IL10RA: variants seen among roughly 807,000 people sequenced by gnomAD.
IL10RA encodes interleukin-10 receptor subunit alpha.
IL10RA carries 18 observed loss-of-function variants against 29.6 expected under a neutral mutation model. The observed-to-expected ratio is 0.61, with a 90% CI of 0.42 to 0.90. The LOEUF (loss-of-function observed/expected upper bound fraction) is 0.90, where lower values mean the gene tolerates loss of function less well. IL10RA is among the 40% of genes least tolerant of loss of function. IL10RA has a pLI of 0.00. For synonymous variants in IL10RA, 292 were observed against 294.1 expected (o/e 0.99, Z 0.07); for missense variants, 634 against 716.6 (o/e 0.88, Z 1.32).
chr11:117,994,321 G>C (rs903516227), intron 5 of IL10RA, 172 bp downstream of exon 5: 11 of 614,912 alleles, frequency 1.8e-5, no homozygotes, highest in Non-Finnish European at 2.3e-5. Context: ...TAGAGATGAG[G>C]GAACTGAGGC....
chr11:117,998,656 A>G, intron 6 of IL10RA, 59 bp from the exon 7 acceptor site: 1 of 1,498,952 alleles, frequency 6.7e-7, no homozygotes. Context: ...CCCCGGCAGC[A>G]CTGGGATGGG....
chr11:117,989,548 A>T lies in IL10RA; in HGVS notation c.295A>T (p.Arg99Ter), dbSNP rs886047709. 2 of 1,614,182 alleles carry T rather than the reference A, an allele frequency of 1.2e-6. No homozygotes were observed. The highest frequency in any genetic ancestry group is 1.7e-6 in the Non-Finnish European group (2 of 1,180,038). ...GTACCACAGCAATGGCTACCGGGCC[A>T]GAGTGCGGGCTGTGGACGGCAGCCG... ...DLYHSNGYRARVRAVDGSRHS... is the reference protein window; with the variant it reads ...DLYHSNGYRA The change falls in exon 3 of 7, where the codon AGA (arginine) becomes TGA (stop). Residue 99 changes from arginine to a stop codon, truncating the protein, a stop_gained. Transcript: ENST00000227752. LOFTEE classifies it high-confidence loss of function. The surrounding 1 kb of genome is among the most constrained non-coding windows in gnomAD (Gnocchi z 4.5).
At chr11:117,993,978 T>C (rs751404748) in intron 4 of IL10RA, 21 bp from the exon 5 acceptor site, 16 of 1,610,682 alleles carry the variant, frequency 9.9e-6, no homozygotes, top group Non-Finnish European at 1.2e-5. Context: ...ATTTTGTTAA[T>C]TGCTATCATT....
At chr11:117,986,632 C>G in intron 1 of IL10RA, 98 bp downstream of exon 1, 1 of 1,541,196 alleles carries the variant, frequency 6.5e-7, no homozygotes, top group Non-Finnish European at 8.7e-7. Context: ...GGCTGGCCCT[C>G]TGGCAGAGCG....
rs1222496809 is a variant in IL10RA, at chr11:118,000,629, G to C, written c.*988G>C. 3 of 454,252 alleles carry C rather than the reference G, an allele frequency of 6.6e-6. No homozygotes were observed. Among genetic ancestry groups the C allele is most frequent in the South Asian group, 1.6e-5 (1 of 64,476 alleles). The allele number at this position is 454,252 out of a possible 1,614,324, so 28.1% of individuals were successfully genotyped here. The stretch of plus-strand genomic sequence containing the variant: ...GATAAGCCACTGGGCACTGGGCTGG[G>C]GTCCCTGCCTTGTTGGTGTTCAGCT... On this transcript the variant is annotated 3_prime_UTR_variant, in exon 7 of 7. Transcript: ENST00000227752.
intron 6 of IL10RA, 102 bp downstream of exon 6, chr11:117,995,812 C>T (rs940264093): frequency 8.6e-5 from 106 of 1,235,920 alleles, no homozygotes; most frequent in Non-Finnish European, 1.1e-4. Flanking sequence ...ATTGCCTTAG[C>T]TTGCCTCTGC....
In IL10RA at chr11:117,995,571, A is replaced by T. The variant is rs773050863; in HGVS notation, c.689-18A>T. The stretch of plus-strand genomic sequence containing the variant: ...CCCCATGGTGACAGGCCACAAACAC[A>T]TCTCTCTGGGCCTGCAGATTTCACC... On this transcript the variant is annotated intron_variant, in intron 5 of 6. Transcript: ENST00000227752. 6 of 1,614,096 alleles carry T rather than the reference A, an allele frequency of 3.7e-6. No homozygotes were observed. Among genetic ancestry groups the T allele is most frequent in the Non-Finnish European group, 4.2e-6 (5 of 1,179,986 alleles).
At chr11:117,992,769 A>G (rs1414921774) in intron 3 of IL10RA, among the ~76,000 whole-genome samples, 1 of 152,222 alleles carries the variant, frequency 6.6e-6, no homozygotes, top group Non-Finnish European at 1.5e-5. Flanking sequence ...ATCTTTGCCC[A>G]GACCAAAGTC....
chr11:117,996,250 G>A (rs1354285248), intron 6 of IL10RA, among the ~76,000 whole-genome samples: 1 of 152,112 alleles, frequency 6.6e-6, no homozygotes, highest in Non-Finnish European at 1.5e-5. Context: ...GAGGACACTG[G>A]GGGGCGGTGG....
chr11:117,999,477 C>G lies in IL10RA; in HGVS notation c.1573C>G (p.Leu525Val). ...QWNQPTEEWS[L>V]LALSSCSDLG... ...GAACCAGCCCACTGAGGAATGGTCA[C>G]TCCTGGCCTTGAGCAGCTGCAGTGA... The change falls in exon 7 of 7, where the codon CTC becomes GTC. Residue 525 changes from leucine (L) to valine (V), a missense_variant. Transcript: ENST00000227752. The G allele has an allele frequency of 6.2e-7, 1 of 1,614,242 alleles. No individual in the cohort carries two copies. Among genetic ancestry groups the G allele is most frequent in the Non-Finnish European group, 8.5e-7 (1 of 1,180,020 alleles).
chr11:117,988,109 C>A, intron 1 of IL10RA: 1 of 510,504 alleles, frequency 2.0e-6, no homozygotes, highest in South Asian at 2.0e-5. Context: ...TCGGCCCCTG[C>A]CTTCTTCCCT....
In IL10RA at chr11:117,999,661, T is replaced by C. The variant is rs758999848; in HGVS notation, c.*20T>C. 8.7e-5 allele frequency: 140 copies of C among 1,606,992 alleles called. No individual in the cohort carries two copies. Among genetic ancestry groups the C allele is most frequent in the Non-Finnish European group, 1.1e-4 (135 of 1,174,294 alleles). On this transcript the variant is annotated 3_prime_UTR_variant, in exon 7 of 7. Transcript: ENST00000227752. ...GAGTGACTCGGGCTGAGAGGCTGCT[T>C]TTGATTTTAGCCATGCCTGCTCCTC...
Position 117,989,726 on chromosome 11 carries a change from G to GGGAGGCTGGCAGA in IL10RA, c.367+106_367+107insGGAGGCTGGCAGA. ...TTACCATAGCTCACCATGTCTGCCAGCCTCCCTGGCCGGAGAACTAGTTGC... is the reference window on the plus strand; with the variant it reads ...TTACCATAGCTCACCATGTCTGCCAGGGAGGCTGGCAGACCTCCCTGGCCGGAGAACTAGTTGC... On this transcript the variant is annotated intron_variant, in intron 3 of 6. Transcript: ENST00000227752. The surrounding 1 kb of genome is among the most constrained non-coding windows in gnomAD (Gnocchi z 4.5). 1 of 1,185,842 alleles carries GGGAGGCTGGCAGA rather than the reference G, an allele frequency of 8.4e-7. No individual in the cohort carries two copies. The allele number at this position is 1,185,842 out of a possible 1,614,324, so 73.5% of individuals were successfully genotyped here.
chr11:117,995,735 C>T (rs751033686), intron 6 of IL10RA, 25 bp downstream of exon 6: 68 of 1,608,602 alleles, frequency 4.2e-5, no homozygotes, highest in Non-Finnish European at 5.7e-5. Context: ...GAGGTCACTG[C>T]CCCGTCCTTC....
Position 118,000,723 on chromosome 11 carries a change from T to G in IL10RA, c.*1082T>G. 1 of 454,224 alleles carries G rather than the reference T, an allele frequency of 2.2e-6. No homozygotes were observed. Among genetic ancestry groups the G allele is most frequent in the South Asian group, 1.6e-5 (1 of 64,478 alleles). The allele number at this position is 454,224 out of a possible 1,614,324, so 28.1% of individuals were successfully genotyped here. On this transcript the variant is annotated 3_prime_UTR_variant, in exon 7 of 7. Coordinates refer to ENST00000227752, the MANE Select transcript of IL10RA (RefSeq NM_001558.4). ...CATCTGTGAAATAAGGACTCCACCT[T>G]TAGGGGACCCTCCATGTTTGCTGGG...
Position 118,000,867 on chromosome 11 carries a change from G to A in IL10RA, c.*1226G>A, listed in dbSNP as rs1371111508. On this transcript the variant is annotated 3_prime_UTR_variant, in exon 7 of 7. Transcript: ENST00000227752. The stretch of plus-strand genomic sequence containing the variant: ...GAGTCCATGGTGTCATGCCAAGACA[G>A]TATCAGACACAGCCCCAGAAGGGGG... The A allele has an allele frequency of 2.2e-6, 1 of 454,158 alleles. No individual in the cohort carries two copies. Among genetic ancestry groups the A allele is most frequent in the South Asian group, 1.6e-5 (1 of 64,486 alleles). 28.1% of individuals were successfully genotyped at this position (454,158 alleles called of 1,614,324 possible).
chr11:117,992,710 T>A (rs1310940994), intron 3 of IL10RA, among the ~76,000 whole-genome samples: 1 of 152,210 alleles, frequency 6.6e-6, no homozygotes, highest in African/African-American at 2.4e-5. Flanking sequence ...CAATCCCATT[T>A]GTCTATTTTT....
At chr11:117,995,291 C>A (rs1002456410) in intron 5 of IL10RA, 40 of 441,760 alleles carry the variant, frequency 9.1e-5, no homozygotes, top group Non-Finnish European at 1.4e-4. Flanking sequence ...AGCCTCGATT[C>A]TTACCTGCTG....
chr11:117,995,840 T>C (rs1275799604), intron 6 of IL10RA, 130 bp downstream of exon 6: 37 of 968,140 alleles, frequency 3.8e-5, no homozygotes, highest in Non-Finnish European at 5.7e-5. Flanking sequence ...CCTGATGTGA[T>C]TGGGAGATAC....
Sources: allele counts gnomAD v4.1 joint callset (sites outside exome capture counted in the v4.1 genomes callset), GRCh38; gene constraint gnomAD v4.1.1; non-coding constraint Gnocchi (gnomAD v3.1); transcripts MANE v1.5; gene names NCBI Gene and HGNC (gene_info 2026-07-23, HGNC 2026-07-21).